The following ASIC2 variants were observed in gnomAD, a reference collection of about 807,000 sequenced individuals.
ASIC2 encodes the protein acid-sensing ion channel 2.
ASIC2 carries 25 observed loss-of-function variants against 57.3 expected under a neutral mutation model. The ratio of observed to expected loss-of-function variants is 0.44; its 90% CI spans 0.32 to 0.61. The LOEUF (loss-of-function observed/expected upper bound fraction) is 0.61. Among genes scored for constraint, ASIC2 ranks in the 20% least tolerant of loss-of-function variants. The pLI is 0.06. For missense variants in ASIC2, 641 were observed against 738.1 expected (o/e 0.87, Z 1.52); for synonymous variants, 319 against 307.5 (o/e 1.04, Z -0.39).
intron 3 of ASIC2, among the ~76,000 whole-genome samples, chr17:33,037,712 T>G (rs945905732): frequency 5.3e-5 from 8 of 152,366 alleles, no homozygotes; most frequent in African/African-American, 1.9e-4. Context: ...ATAGTTGTAA[T>G]ACGGAACGTG....
At chr17:33,868,512 T>C (rs886915316) in intron 1 of ASIC2, among the ~76,000 whole-genome samples, 2 of 148,642 alleles carry the variant, frequency 1.3e-5, no homozygotes, top group Admixed American at 6.7e-5. Flanking sequence ...TAGAAAAAAA[T>C]ATAGGCATAA....
At chr17:33,261,825 C>T (rs1189956567) in intron 1 of ASIC2, among the ~76,000 whole-genome samples, 1 of 92 alleles carries the variant, frequency 0.011, no homozygotes, top group Non-Finnish European at 0.023. Context: ...ACGAGGTGAA[C>T]GTGGGGGGTG....
At chr17:33,342,342 G>A (rs894761180) in intron 1 of ASIC2, among the ~76,000 whole-genome samples, 5 of 118,522 alleles carry the variant, frequency 4.2e-5, no homozygotes, top group Admixed American at 7.7e-5. Flanking sequence ...GTGTACGTGT[G>A]TGTGTGTACG....
At chr17:33,387,888 T>A (rs1909744337) in intron 1 of ASIC2, among the ~76,000 whole-genome samples, 1 of 152,134 alleles carries the variant, frequency 6.6e-6, no homozygotes, top group African/African-American at 2.4e-5. Context: ...GATACCAGCC[T>A]GGCCAACATG....
At chr17:33,078,746 A>G (rs1242117541) in intron 3 of ASIC2, among the ~76,000 whole-genome samples, 1 of 152,194 alleles carries the variant, frequency 6.6e-6, no homozygotes, top group Non-Finnish European at 1.5e-5. Flanking sequence ...CCCTTACTCC[A>G]TGATTGATTG....
intron 1 of ASIC2, among the ~76,000 whole-genome samples, chr17:33,154,302 C>G (rs1436231640): frequency 6.6e-6 from 1 of 152,206 alleles, no homozygotes; most frequent in Non-Finnish European, 1.5e-5. Context: ...CCTGCCTCAG[C>G]TTCTTGAGTA....
chr17:33,915,147 G>A (rs1483477131), intron 1 of ASIC2, among the ~76,000 whole-genome samples: 1 of 152,176 alleles, frequency 6.6e-6, no homozygotes, highest in East Asian at 1.9e-4. Context: ...AGGGTTAGGA[G>A]GAACTTGGAT....
intron 1 of ASIC2, among the ~76,000 whole-genome samples, chr17:33,862,151 C>T (rs1239054884): frequency 6.6e-6 from 1 of 152,234 alleles, no homozygotes; most frequent in African/African-American, 2.4e-5. Flanking sequence ...CCTTCAATGT[C>T]CAGCTAACAT....
At chr17:33,487,345 C>A (rs1303611991) in intron 1 of ASIC2, among the ~76,000 whole-genome samples, 1 of 152,198 alleles carries the variant, frequency 6.6e-6, no homozygotes, top group Non-Finnish European at 1.5e-5. Flanking sequence ...CACATTGATA[C>A]TGATGAAATC....
chr17:33,122,740 G>T (rs1004497282), intron 1 of ASIC2, among the ~76,000 whole-genome samples: 1 of 152,102 alleles, frequency 6.6e-6, no homozygotes, highest in African/African-American at 2.4e-5. Flanking sequence ...TAGTCACCAT[G>T]CTGTGCAACA....
intron 1 of ASIC2, among the ~76,000 whole-genome samples, chr17:33,807,631 A>G (rs1200960166): frequency 2.0e-5 from 3 of 152,000 alleles, no homozygotes; most frequent in East Asian, 1.9e-4. Context: ...ATTACTTCTA[A>G]CTAGGTTCCC....
At chr17:33,893,122 C>T (rs770957292) in intron 1 of ASIC2, among the ~76,000 whole-genome samples, 3 of 152,206 alleles carry the variant, frequency 2.0e-5, no homozygotes, top group Non-Finnish European at 4.4e-5. Flanking sequence ...TAATGCCAGG[C>T]ACACATTAAC....
At chr17:33,113,680 G>T (rs1316991236) in intron 1 of ASIC2, among the ~76,000 whole-genome samples, 1 of 152,212 alleles carries the variant, frequency 6.6e-6, no homozygotes, top group African/African-American at 2.4e-5. Context: ...CTTCTACCCT[G>T]TGCCAGGAAC....
chr17:33,613,615 C>T (rs780444580), intron 1 of ASIC2, among the ~76,000 whole-genome samples: 4 of 152,180 alleles, frequency 2.6e-5, no homozygotes, highest in African/African-American at 9.7e-5. Flanking sequence ...GATCAGCCCA[C>T]CTCAGCCTCT....
Position 33,418,579 on chromosome 17 carries a change from C to G in ASIC2, c.556-306512G>C, listed in dbSNP as rs141425043. On this transcript the variant is annotated intron_variant, in intron 1 of 9. Coordinates refer to the ASIC2 transcript ENST00000359872. ...AAGGAAGGGACCCAGTTTCAGCTTT[C>G]TGCATATGGCTAGCCAGTTTTCCCA... is the stretch of plus-strand genomic sequence containing the variant. 6.0e-3 allele frequency among the ~76,000 whole-genome samples: 907 copies of G among 152,280 alleles called. 12 individuals are homozygous for G. Among genetic ancestry groups the G allele is most frequent in the African/African-American group, 0.021 (852 of 41,542 alleles).
At chr17:33,386,203 G>A (rs1010204303) in intron 1 of ASIC2, among the ~76,000 whole-genome samples, 5 of 152,116 alleles carry the variant, frequency 3.3e-5, no homozygotes, top group African/African-American at 1.2e-4. Context: ...CAACAGCCAA[G>A]TCTAGGCTGA....
At chr17:34,099,135 AG>A (rs1910674479) in intron 1 of ASIC2, among the ~76,000 whole-genome samples, 1 of 23,210 alleles carries the variant, frequency 4.3e-5, no homozygotes, top group Admixed American at 5.2e-4. Context: ...AGAGAGAGAG[AG>A]AGAGAGAGAC....
chr17:33,300,230 A>G lies in ASIC2; in HGVS notation c.556-188163T>C, dbSNP rs549286935. ...ATACATAAGTGTACATAGTCTTTAT[A>G]TGCCCTTTTTTTCTACACAAATGGT... On this transcript the variant is annotated intron_variant, in intron 1 of 9. Transcript: ENST00000359872. Among the ~76,000 whole-genome samples the G allele has an allele frequency of 2.6e-5, 4 of 152,214 alleles. No individual in the cohort carries two copies. In the East Asian group the frequency reaches 7.7e-4, roughly 29 times the overall value.
chr17:34,093,848 T>TA (rs1239582013), intron 1 of ASIC2, among the ~76,000 whole-genome samples: 1 of 152,116 alleles, frequency 6.6e-6, no homozygotes, highest in Admixed American at 6.5e-5. Context: ...GGATGAACCC[T>TA]AGGGCCCCTA....
Sources: allele counts gnomAD v4.1 joint callset (sites outside exome capture counted in the v4.1 genomes callset), GRCh38; gene constraint gnomAD v4.1.1; transcripts MANE v1.5; gene names NCBI Gene and HGNC (gene_info 2026-07-23, HGNC 2026-07-21).